EXOC6B: variants seen among roughly 807,000 people sequenced by gnomAD.
EXOC6B encodes SEC15 homolog B.
A neutral mutation model predicts 113.5 loss-of-function variants in EXOC6B; 54 were observed. That is an observed-to-expected ratio of 0.48 (90% confidence interval 0.38 to 0.60). The LOEUF (loss-of-function observed/expected upper bound fraction) is 0.60, where lower values mean the gene tolerates loss of function less well. EXOC6B is among the 20% of genes least tolerant of loss of function. The pLI is 0.00. For synonymous variants in EXOC6B, 357 were observed against 339.0 expected (o/e 1.05, Z -0.58); for missense variants, 797 against 977.5 (o/e 0.82, Z 2.46).
chr2:72,182,972 T>C (rs1678184955), intron 21 of EXOC6B: 2 of 1,131,824 alleles, frequency 1.8e-6, no homozygotes, highest in South Asian at 9.0e-5. Context: ...CATCAATCTC[T>C]GACGTGGTCA....
intron 6 of EXOC6B, among the ~76,000 whole-genome samples, chr2:72,585,933 C>A (rs1296384552): frequency 6.6e-6 from 1 of 152,090 alleles, no homozygotes; most frequent in Non-Finnish European, 1.5e-5. Context: ...ATAGAGAACC[C>A]AGAAATAAAG....
chr2:72,714,400 G>C (rs548982822), intron 6 of EXOC6B, among the ~76,000 whole-genome samples: 48 of 152,318 alleles, frequency 3.2e-4, no homozygotes, highest in African/African-American at 1.1e-3. Flanking sequence ...TCCCTACTGG[G>C]CCTGTTGCAC....
intron 1 of EXOC6B, among the ~76,000 whole-genome samples, chr2:72,823,460 AAAAAAAAAAAAAAAAAAAC>A (rs1686696917): frequency 1.0e-5 from 1 of 97,902 alleles, no homozygotes; most frequent in African/African-American, 5.4e-5. Flanking sequence ...AAGTTTTAAG[AAAAAAAAAAAAAAAAAAAC>A]AAAAAACAAA....
intron 20 of EXOC6B, among the ~76,000 whole-genome samples, chr2:72,299,064 T>C (rs1686336639): frequency 6.6e-6 from 1 of 152,056 alleles, no homozygotes; most frequent in African/African-American, 2.4e-5. Flanking sequence ...TCCTGGATAA[T>C]ATCCTGAAGA....
intron 19 of EXOC6B, among the ~76,000 whole-genome samples, chr2:72,376,489 T>G (rs1691364125): frequency 6.6e-6 from 1 of 152,146 alleles, no homozygotes; most frequent in African/African-American, 2.4e-5. Flanking sequence ...GCTTTAAAAT[T>G]TTTCTCTTTA....
Position 72,825,786 on chromosome 2 carries a change from C to G in EXOC6B, c.113+12G>C, listed in dbSNP as rs1686869567. ...CGTTCCCGCCCCTCTGTGGTCCCGG[C>G]ACCCGGGGTACCTGAGCGTGGGCCC... is the stretch of plus-strand genomic sequence containing the variant. On this transcript the variant is annotated intron_variant, in intron 1 of 21. Transcript: ENST00000272427. This position sits in a 1 kb window ranked among gnomAD's most constrained non-coding sequence, Gnocchi z 4.4. The G allele has an allele frequency of 1.2e-6, 2 of 1,610,548 alleles. No homozygotes were observed.
chr2:72,628,681 T>C (rs1229009862), intron 6 of EXOC6B, among the ~76,000 whole-genome samples: 3 of 152,026 alleles, frequency 2.0e-5, no homozygotes, highest in Non-Finnish European at 4.4e-5. Flanking sequence ...CATGAGGATA[T>C]GAGAAGATGG....
At chr2:72,660,824 T>C (rs1674961214) in intron 6 of EXOC6B, among the ~76,000 whole-genome samples, 1 of 152,090 alleles carries the variant, frequency 6.6e-6, no homozygotes. Flanking sequence ...TTTACCTTTT[T>C]TTTTTTTTTC....
chr2:72,274,985 A>T (rs1684725160), intron 20 of EXOC6B, among the ~76,000 whole-genome samples: 1 of 152,162 alleles, frequency 6.6e-6, no homozygotes, highest in African/African-American at 2.4e-5. Context: ...GTTCTTTTTT[A>T]TTCAGTGTGA....
intron 19 of EXOC6B, among the ~76,000 whole-genome samples, chr2:72,363,083 C>T (rs1690416576): frequency 1.3e-5 from 2 of 152,034 alleles, no homozygotes; most frequent in African/African-American, 2.4e-5. Context: ...AGTTTCTCTG[C>T]CAGGATCCAG....
intron 18 of EXOC6B, among the ~76,000 whole-genome samples, chr2:72,420,385 C>G (rs1348739038): frequency 6.6e-6 from 1 of 152,162 alleles, no homozygotes; most frequent in Non-Finnish European, 1.5e-5. Flanking sequence ...TATCCCTCCC[C>G]TAGCCACACA....
At chr2:72,256,672 C>T (rs1214704928) in intron 20 of EXOC6B, among the ~76,000 whole-genome samples, 2 of 152,146 alleles carry the variant, frequency 1.3e-5, no homozygotes, top group Non-Finnish European at 2.9e-5. Flanking sequence ...ATTCTCAGCC[C>T]TCATCACACT....
At chr2:72,546,989 T>C (rs1223380130) in intron 8 of EXOC6B, among the ~76,000 whole-genome samples, 2 of 152,238 alleles carry the variant, frequency 1.3e-5, no homozygotes, top group African/African-American at 4.8e-5. Flanking sequence ...GGATTCTTTC[T>C]GGGTCTATGG....
intron 1 of EXOC6B, among the ~76,000 whole-genome samples, chr2:72,772,227 G>C (rs1268151061): frequency 1.3e-5 from 2 of 152,130 alleles, no homozygotes; most frequent in African/African-American, 4.8e-5. Flanking sequence ...CCTCCCCAGT[G>C]AATTTTGGTG....
chr2:72,444,932 T>C (rs570834758), intron 18 of EXOC6B, among the ~76,000 whole-genome samples: 2 of 152,232 alleles, frequency 1.3e-5, no homozygotes, highest in East Asian at 3.8e-4. Context: ...TCCTCATTTC[T>C]AATGCAAATT....
chr2:72,740,375 G>A (rs1300821771), intron 2 of EXOC6B, among the ~76,000 whole-genome samples: 1 of 152,204 alleles, frequency 6.6e-6, no homozygotes, highest in African/African-American at 2.4e-5. Context: ...CAGATCATAT[G>A]AGGAGTGTTT....
chr2:72,566,428 C>T (rs1229398557), intron 7 of EXOC6B, among the ~76,000 whole-genome samples: 1 of 152,064 alleles, frequency 6.6e-6, no homozygotes, highest in Non-Finnish European at 1.5e-5. Flanking sequence ...TCCCTTCATG[C>T]ATTGAAGGAC....
chr2:72,271,468 G>C (rs543782724), intron 20 of EXOC6B, among the ~76,000 whole-genome samples: 1 of 152,028 alleles, frequency 6.6e-6, no homozygotes, highest in East Asian at 1.9e-4. Context: ...GGAGAGAGTT[G>C]GGGAAGGAGG....
intron 6 of EXOC6B, among the ~76,000 whole-genome samples, chr2:72,640,938 T>C (rs948754214): frequency 1.3e-5 from 2 of 152,186 alleles, no homozygotes; most frequent in Non-Finnish European, 2.9e-5. Context: ...TAAATATATA[T>C]GCACCCAACA....
Sources: allele counts gnomAD v4.1 joint callset (sites outside exome capture counted in the v4.1 genomes callset), GRCh38; gene constraint gnomAD v4.1.1; non-coding constraint Gnocchi (gnomAD v3.1); transcripts MANE v1.5; gene names NCBI Gene and HGNC (gene_info 2026-07-23, HGNC 2026-07-21).